FAM135B: variants seen among roughly 807,000 people sequenced by gnomAD.
FAM135B encodes family with sequence similarity 135 member B.
Under a neutral mutation model 127.7 loss-of-function variants are expected in FAM135B, and 43 were observed. The observed-to-expected ratio is 0.34, with a 90% CI of 0.26 to 0.43. The LOEUF is 0.43. Ranked by LOEUF, FAM135B falls within the 20% of genes least tolerant of loss-of-function variation. The probability of loss-of-function intolerance (pLI) is 1.00; values close to 1 mark genes in which losing one functional copy is unlikely to be tolerated. For missense variants in FAM135B, 1,558 were observed against 1,725.6 expected, an observed-to-expected ratio of 0.90 and a Z score of 1.72; for synonymous variants, 670 against 665.1, an observed-to-expected ratio of 1.01 and a Z score of -0.11.
At chr8:138,157,335 C>G (rs9694003) in intron 12 of FAM135B, among the ~76,000 whole-genome samples, 1 of 151,920 alleles carries the variant, frequency 6.6e-6, no homozygotes, top group African/African-American at 2.4e-5. Flanking sequence ...CCCACAGCCA[C>G]TATCATACTG....
chr8:138,425,072 C>T (rs911889175), intron 1 of FAM135B, among the ~76,000 whole-genome samples: 1 of 152,158 alleles, frequency 6.6e-6, no homozygotes, highest in African/African-American at 2.4e-5. Context: ...CATGGTCATC[C>T]TTATCTTTGA....
At chr8:138,164,212 A>C (rs975773610) in intron 12 of FAM135B, among the ~76,000 whole-genome samples, 3 of 152,190 alleles carry the variant, frequency 2.0e-5, no homozygotes, top group East Asian at 1.9e-4. Context: ...AAGGAGTTCA[A>C]GAAAAGCTTC....
intron 2 of FAM135B, among the ~76,000 whole-genome samples, chr8:138,348,216 C>G (rs1449842375): frequency 6.8e-6 from 1 of 146,034 alleles, no homozygotes; most frequent in Admixed American, 7.0e-5. Flanking sequence ...CTCACCGCAA[C>G]CTCCACTTCC....
chr8:138,424,623 G>C (rs141287744), intron 1 of FAM135B, among the ~76,000 whole-genome samples: 101 of 152,178 alleles, frequency 6.6e-4, no homozygotes, highest in African/African-American at 2.3e-3. Context: ...GAAAATTATG[G>C]CTCTGTCAGG....
Position 138,393,724 on chromosome 8 carries a change from G to C in FAM135B, c.-19-25722C>G, listed in dbSNP as rs536682786. Among the ~76,000 whole-genome samples, 59 of 152,262 alleles carry C rather than the reference G, an allele frequency of 3.9e-4. 1 individual carries two copies. The South Asian group carries it at 0.012, about 31-fold the overall frequency. On this transcript the variant is annotated intron_variant, in intron 1 of 19. Coordinates refer to ENST00000395297, the MANE Select transcript of FAM135B (RefSeq NM_015912.4). ...GGAGCCCATGCTTAGCACCCCCACT[G>C]TCCTCTGCTCCTTCACATGATCTCT...
At chr8:138,392,406 G>C (rs1426674001) in intron 1 of FAM135B, among the ~76,000 whole-genome samples, 2 of 152,142 alleles carry the variant, frequency 1.3e-5, no homozygotes, top group African/African-American at 4.8e-5. Flanking sequence ...AAAAGTGAGG[G>C]GGATATATTT....
chr8:138,270,002 T>C (rs1823251875), intron 3 of FAM135B, among the ~76,000 whole-genome samples: 1 of 152,136 alleles, frequency 6.6e-6, no homozygotes, highest in South Asian at 2.1e-4. Context: ...AGAAAGCCAC[T>C]TTGAAAAAGG....
intron 3 of FAM135B, among the ~76,000 whole-genome samples, chr8:138,289,767 A>G (rs1275749216): frequency 6.6e-6 from 1 of 152,120 alleles, no homozygotes; most frequent in Non-Finnish European, 1.5e-5. Flanking sequence ...CATCCCAATC[A>G]TCCCAATCAT....
rs1563992442 is a variant in FAM135B at position 138,426,010 on chromosome 8, T to TATATATATAC, written c.-19-58009_-19-58008insGTATATATAT. On this transcript the variant is annotated intron_variant, in intron 1 of 19. Transcript: ENST00000395297. ...ATATATATATATATATATATATATATATACACACACATACATATACACACA... is the reference window on the plus strand; with the variant it reads ...ATATATATATATATATATATATATATATATATATACATACACACACATACATATACACACA... Among the ~76,000 whole-genome samples the TATATATATAC allele has an allele frequency of 1.3e-3, 21 of 16,184 alleles. 2 individuals carry two copies. Among genetic ancestry groups the TATATATATAC allele is most frequent in the East Asian group, 6.3e-3 (6 of 956 alleles). 10.6% of individuals were successfully genotyped at this position (16,184 alleles called of 152,430 possible). A position where few individuals can be genotyped will look rare whatever the true frequency, so the allele number is the denominator to read the frequency against.
chr8:138,354,426 T>C (rs1203791446), intron 2 of FAM135B, among the ~76,000 whole-genome samples: 2 of 152,192 alleles, frequency 1.3e-5, no homozygotes, highest in Admixed American at 1.3e-4. Context: ...TCTCAATGCC[T>C]GAGACCCCCT....
intron 2 of FAM135B, among the ~76,000 whole-genome samples, chr8:138,325,725 C>T (rs1006531876): frequency 5.9e-5 from 9 of 152,150 alleles, no homozygotes; most frequent in South Asian, 2.1e-4. Flanking sequence ...CTCCTCTTCT[C>T]GTTCATATTA....
intron 12 of FAM135B, among the ~76,000 whole-genome samples, chr8:138,163,734 T>A (rs1819636591): frequency 6.6e-6 from 1 of 152,198 alleles, no homozygotes; most frequent in Admixed American, 6.5e-5. Context: ...CTTGGGTATG[T>A]CTTTATCAAC....
intron 1 of FAM135B, among the ~76,000 whole-genome samples, chr8:138,405,650 T>C (rs1273498855): frequency 6.6e-6 from 1 of 152,178 alleles, no homozygotes; most frequent in Non-Finnish European, 1.5e-5. Flanking sequence ...TCTTTGCTAT[T>C]GTGAATAGTG....
At chr8:138,384,311 G>A (rs1227555692) in intron 1 of FAM135B, among the ~76,000 whole-genome samples, 3 of 152,106 alleles carry the variant, frequency 2.0e-5, no homozygotes, top group Non-Finnish European at 4.4e-5. Context: ...GGAGGCTAGT[G>A]GTTGCCTAGT....
intron 2 of FAM135B, among the ~76,000 whole-genome samples, chr8:138,354,872 A>T (rs1033645891): frequency 3.3e-5 from 5 of 152,062 alleles, no homozygotes; most frequent in South Asian, 4.1e-4. Context: ...CTCTTTTCTC[A>T]TTCACTCTCT....
chr8:138,465,866 G>A (rs553068612), intron 1 of FAM135B, among the ~76,000 whole-genome samples: 1 of 151,812 alleles, frequency 6.6e-6, no homozygotes, highest in Non-Finnish European at 1.5e-5. Flanking sequence ...TGCAACCTCC[G>A]CCTCCCAGGT....
intron 2 of FAM135B, among the ~76,000 whole-genome samples, chr8:138,338,024 A>C (rs1247169171): frequency 1.3e-5 from 2 of 152,246 alleles, no homozygotes; most frequent in Non-Finnish European, 2.9e-5. Flanking sequence ...TTCCCTATTT[A>C]ATAAATGGTG....
At position 138,381,402 on chromosome 8, in the gene FAM135B, C is replaced by T. The variant is rs563348034; in HGVS notation, c.-19-13400G>A. 1.2e-4 allele frequency among the ~76,000 whole-genome samples: 18 copies of T among 152,040 alleles called. No individual in the cohort carries two copies. In the South Asian group the frequency reaches 2.5e-3, roughly 21 times the overall value. On this transcript the variant is annotated intron_variant, in intron 1 of 19. Coordinates refer to ENST00000395297, the MANE Select transcript of FAM135B (RefSeq NM_015912.4). The stretch of plus-strand genomic sequence containing the variant: ...TCTAGCTTTTCCAGGAAGCCCTCCC[C>T]GAACAGCCATGCCACCGCCCTCCCT...
chr8:138,316,514 C>CA lies in FAM135B; in HGVS notation c.78-5595dup, dbSNP rs561450589. Among the ~76,000 whole-genome samples, 34 of 151,442 alleles carry CA rather than the reference C, an allele frequency of 2.2e-4. 1 individual carries two copies. The highest frequency in any genetic ancestry group is 1.0e-3 in the South Asian group (5 of 4,778). ...GTCTCAAAAAACAAAAAACAAAAAA[C>CA]AAAAAAAACCACAATGAGATGCTAC... On this transcript the variant is annotated intron_variant, in intron 2 of 19. Coordinates refer to ENST00000395297, the MANE Select transcript of FAM135B (RefSeq NM_015912.4).
Sources: gnomAD v4.1 joint callset for allele counts (sites outside exome capture counted in the v4.1 genomes callset) on GRCh38, gnomAD v4.1.1 for gene constraint, MANE v1.5 for transcripts, NCBI Gene and HGNC (gene_info 2026-07-23, HGNC 2026-07-21) for gene names.